UGGT2: variants seen among roughly 807,000 people sequenced by gnomAD.
The protein encoded by UGGT2 is UDP-glucose:glycoprotein glucosyltransferase 2.
Under a neutral mutation model 192.1 loss-of-function variants are expected in UGGT2, and 180 were observed. The observed-to-expected ratio is 0.94, with a 90% CI of 0.83 to 1.06. The LOEUF is 1.06. Ranked by LOEUF, UGGT2 falls within the 50% of genes least tolerant of loss-of-function variation. UGGT2 has a pLI of 0.00. For synonymous variants in UGGT2, 580 were observed against 591.0 expected (o/e 0.98, Z 0.27); for missense variants, 1,849 against 1,795.7 (o/e 1.03, Z -0.54).
chr13:96,028,972 C>T (rs1032104019), intron 2 of UGGT2, among the ~76,000 whole-genome samples: 18 of 143,812 alleles, frequency 1.3e-4, no homozygotes, highest in Non-Finnish European at 2.0e-4. Context: ...GGTGAAACCC[C>T]GTCTCTAATA....
chr13:95,804,169 A>G (rs570035775), intron 38 of UGGT2, among the ~76,000 whole-genome samples: 26 of 152,310 alleles, frequency 1.7e-4, no homozygotes, highest in African/African-American at 6.0e-4. Context: ...AAATATAAGT[A>G]CAAAAGATCT....
At chr13:95,944,320 A>T (rs148526057) in intron 15 of UGGT2, among the ~76,000 whole-genome samples, 2,246 of 152,144 alleles carry the variant, frequency 0.015, 21 homozygotes, top group Non-Finnish European at 0.022. Context: ...GACTGAAATT[A>T]TTATTTCTTC....
intron 2 of UGGT2, among the ~76,000 whole-genome samples, chr13:96,030,302 T>A (rs2052795623): frequency 6.6e-6 from 1 of 152,252 alleles, no homozygotes; most frequent in African/African-American, 2.4e-5. Flanking sequence ...CCTAATAGTG[T>A]ACATCACTGT....
At chr13:95,810,883 A>G (rs1884547663) in intron 38 of UGGT2, among the ~76,000 whole-genome samples, 1 of 152,226 alleles carries the variant, frequency 6.6e-6, no homozygotes, top group South Asian at 2.1e-4. Flanking sequence ...TGTATGTAAA[A>G]TATACAAAGA....
chr13:96,001,247 T>C (rs950215001), intron 5 of UGGT2, among the ~76,000 whole-genome samples: 1 of 152,024 alleles, frequency 6.6e-6, no homozygotes, highest in Non-Finnish European at 1.5e-5. Flanking sequence ...ACAAAAGAAG[T>C]GAAAATGGCC....
intron 37 of UGGT2, among the ~76,000 whole-genome samples, chr13:95,834,613 C>A (rs1287005042): frequency 6.6e-6 from 1 of 152,136 alleles, no homozygotes; most frequent in African/African-American, 2.4e-5. Context: ...CTTTTCTCCT[C>A]CATGAAGAAT....
intron 38 of UGGT2, among the ~76,000 whole-genome samples, chr13:95,803,472 C>T (rs1884161442): frequency 6.6e-6 from 1 of 151,924 alleles, no homozygotes; most frequent in African/African-American, 2.4e-5. Context: ...GTTGGTCAGG[C>T]TGGTCTCGAA....
In UGGT2 at chr13:95,922,028, G is replaced by A. The variant is rs551218500; in HGVS notation, c.2295+3652C>T. On this transcript the variant is annotated intron_variant, in intron 20 of 38. Coordinates refer to ENST00000376747, the MANE Select transcript of UGGT2 (RefSeq NM_020121.4). Reference sequence around the variant, plus strand: ...TGGCAAAGACATGGAATCAACCTAGGTGCCCACCAATGGTGGACTGAATAA... The same window carrying A: ...TGGCAAAGACATGGAATCAACCTAGATGCCCACCAATGGTGGACTGAATAA... Among the ~76,000 whole-genome samples, 12 of 152,240 alleles carry A rather than the reference G, an allele frequency of 7.9e-5. No homozygotes were observed. In the East Asian group the frequency reaches 2.1e-3, roughly 27 times the overall value.
chr13:96,047,989 A>G (rs1055981179), intron 1 of UGGT2, among the ~76,000 whole-genome samples: 45 of 152,298 alleles, frequency 3.0e-4, no homozygotes, highest in African/African-American at 9.9e-4. Flanking sequence ...AGCAGACCTA[A>G]TAGACATCTA....
intron 29 of UGGT2, among the ~76,000 whole-genome samples, chr13:95,873,731 C>T (rs1891423386): frequency 6.6e-6 from 1 of 152,090 alleles, no homozygotes; most frequent in Admixed American, 6.5e-5. Context: ...ATTTGCACCC[C>T]CCATTGGAAG....
At chr13:95,931,729 G>A (rs1199993256) in intron 17 of UGGT2, among the ~76,000 whole-genome samples, 1 of 152,124 alleles carries the variant, frequency 6.6e-6, no homozygotes, top group Non-Finnish European at 1.5e-5. Context: ...CCGCCGGCCT[G>A]AGTGCAGGGC....
chr13:95,955,171 A>G (rs1388368131), intron 12 of UGGT2, among the ~76,000 whole-genome samples: 2 of 152,216 alleles, frequency 1.3e-5, no homozygotes, highest in African/African-American at 2.4e-5. Context: ...CAAATCTTTT[A>G]AAAAGTCAAA....
At chr13:96,006,269 C>A (rs1257120638) in intron 5 of UGGT2, among the ~76,000 whole-genome samples, 3 of 152,110 alleles carry the variant, frequency 2.0e-5, no homozygotes, top group African/African-American at 7.2e-5. Flanking sequence ...AAATTAAAAG[C>A]ACTGTAACAG....
At chr13:95,824,752 T>C (rs1471761217) in intron 38 of UGGT2, among the ~76,000 whole-genome samples, 1 of 152,156 alleles carries the variant, frequency 6.6e-6, no homozygotes, top group East Asian at 1.9e-4. Context: ...GTAATAATCT[T>C]CTAAATTCTT....
intron 6 of UGGT2, 39 bp from the exon 7 acceptor site, chr13:95,996,174 T>C: frequency 1.3e-6 from 2 of 1,548,728 alleles, no homozygotes; most frequent in Non-Finnish European, 8.9e-7. Flanking sequence ...AACAAAAATA[T>C]TTTCAGACTG....
chr13:95,913,559 T>C (rs1212925221), intron 20 of UGGT2, among the ~76,000 whole-genome samples: 1 of 152,140 alleles, frequency 6.6e-6, no homozygotes, highest in Non-Finnish European at 1.5e-5. Flanking sequence ...CCAGTTAGAA[T>C]AGCAATCATT....
At chr13:95,943,856 T>C (rs1467801712) in intron 15 of UGGT2, among the ~76,000 whole-genome samples, 1 of 152,046 alleles carries the variant, frequency 6.6e-6, no homozygotes, top group Admixed American at 6.5e-5. Flanking sequence ...TCTTTTTCCA[T>C]TTTTAAAAAC....
At chr13:95,948,122 G>GA (rs749665439) in intron 13 of UGGT2, 41 bp from the exon 14 acceptor site, 3 of 1,470,876 alleles carry the variant, frequency 2.0e-6, no homozygotes, top group South Asian at 2.4e-5. Flanking sequence ...CAACACCTTA[G>GA]AATCTTCATG....
intron 38 of UGGT2, among the ~76,000 whole-genome samples, chr13:95,803,296 T>C (rs762751646): frequency 6.6e-6 from 1 of 151,610 alleles, no homozygotes; most frequent in Non-Finnish European, 1.5e-5. Context: ...GTTTCACTCT[T>C]GTTGCCCAGA....
Sources: allele counts gnomAD v4.1 joint callset (sites outside exome capture counted in the v4.1 genomes callset), GRCh38; gene constraint gnomAD v4.1.1; transcripts MANE v1.5; gene names NCBI Gene and HGNC (gene_info 2026-07-23, HGNC 2026-07-21).